Variants in RBFOX1 observed in about 807,000 individuals in gnomAD.
RBFOX1 encodes the protein RNA binding protein fox-1 homolog 1.
RBFOX1 carries 8 observed loss-of-function variants against 57.7 expected under a neutral mutation model. That is an observed-to-expected ratio of 0.14 (90% confidence interval 0.08 to 0.25). The LOEUF (loss-of-function observed/expected upper bound fraction) is 0.25, where lower values mean the gene tolerates loss of function less well. Ranked by LOEUF, RBFOX1 falls within the 10% of genes least tolerant of loss-of-function variation. The probability of loss-of-function intolerance (pLI) is 1.00; values close to 1 mark genes in which losing one functional copy is unlikely to be tolerated. For synonymous variants in RBFOX1, 326 were observed against 222.4 expected, an observed-to-expected ratio of 1.47 and a Z score of -4.15; for missense variants, 611 against 548.5, an observed-to-expected ratio of 1.11 and a Z score of -1.14.
chr16:7,693,331 G>C, intron 14 of RBFOX1: 2 of 1,612,010 alleles, frequency 1.2e-6, no homozygotes, highest in Non-Finnish European at 1.7e-6. Flanking sequence ...GTTCGTCTTC[G>C]TTGCAGCAGA....
At chr16:7,578,598 C>T (rs2093511100) in intron 5 of RBFOX1, among the ~76,000 whole-genome samples, 1 of 152,128 alleles carries the variant, frequency 6.6e-6, no homozygotes, top group Non-Finnish European at 1.5e-5. Flanking sequence ...TTACACCTGG[C>T]TGCCTACATT....
intron 3 of RBFOX1, among the ~76,000 whole-genome samples, chr16:6,945,295 T>G (rs1039602725): frequency 3.3e-5 from 5 of 152,120 alleles, no homozygotes; most frequent in African/African-American, 1.2e-4. Context: ...GGTGAGAATG[T>G]GTACACTAGG....
At chr16:6,961,492 T>C (rs2083000682) in intron 3 of RBFOX1, among the ~76,000 whole-genome samples, 1 of 152,184 alleles carries the variant, frequency 6.6e-6, no homozygotes, top group Non-Finnish European at 1.5e-5. Context: ...TTCTTGGAAA[T>C]TGCAGAAGAA....
chr16:6,485,394 C>T (rs1197066071), intron 2 of RBFOX1, among the ~76,000 whole-genome samples: 2 of 151,356 alleles, frequency 1.3e-5, no homozygotes, highest in Non-Finnish European at 2.9e-5. Context: ...GTATTTCTTC[C>T]TCCTTATCCC....
intron 2 of RBFOX1, among the ~76,000 whole-genome samples, chr16:5,479,539 A>T (rs1567143748): frequency 6.6e-6 from 1 of 152,082 alleles, no homozygotes; most frequent in Non-Finnish European, 1.5e-5. Context: ...CAGGTGGATG[A>T]CCTGAGGTCA....
In RBFOX1 at chr16:7,306,629, C is replaced by A. The variant is rs376263150; in HGVS notation, c.28-211518C>A. On this transcript the variant is annotated intron_variant, in intron 4 of 15. Coordinates refer to ENST00000550418, the MANE Select transcript of RBFOX1 (RefSeq NM_018723.4). ...TATTTTCTCTGAGCTTCACTGAATA[C>A]CTGAAGTATAATAAAGGCAGTCATT... Among the ~76,000 whole-genome samples, 27 of 151,368 alleles carry A rather than the reference C, an allele frequency of 1.8e-4. No homozygotes were observed. The South Asian group carries it at 4.8e-3, about 27-fold the overall frequency.
At chr16:6,586,714 G>A (rs140727730) in intron 2 of RBFOX1, among the ~76,000 whole-genome samples, 1 of 152,132 alleles carries the variant, frequency 6.6e-6, no homozygotes, top group Non-Finnish European at 1.5e-5. Context: ...CAGCTCAGGA[G>A]CCTGACGGCA....
chr16:6,978,291 TG>T (rs2087668949), intron 3 of RBFOX1, among the ~76,000 whole-genome samples: 1 of 152,218 alleles, frequency 6.6e-6, no homozygotes, highest in Non-Finnish European at 1.5e-5. Context: ...ATGTCTTTAT[TG>T]TGGTACTATG....
intron 4 of RBFOX1, among the ~76,000 whole-genome samples, chr16:7,245,996 T>C (rs2152993764): frequency 6.6e-6 from 1 of 151,862 alleles, no homozygotes; most frequent in East Asian, 1.9e-4. Flanking sequence ...AAATAGAAAT[T>C]TGTTTTTCCA....
chr16:5,510,879 T>G (rs1186732350), intron 2 of RBFOX1, among the ~76,000 whole-genome samples: 2 of 152,156 alleles, frequency 1.3e-5, no homozygotes, highest in Non-Finnish European at 2.9e-5. Flanking sequence ...CAGAAGTGTC[T>G]CTAGCTATGG....
At chr16:5,707,117 T>C (rs2051281624) in intron 3 of RBFOX1, among the ~76,000 whole-genome samples, 2 of 152,150 alleles carry the variant, frequency 1.3e-5, no homozygotes, top group African/African-American at 4.8e-5. Context: ...TTTGGATTTT[T>C]CACGACTCTC....
chr16:7,571,207 A>G (rs2092735006), intron 5 of RBFOX1, among the ~76,000 whole-genome samples: 1 of 127,934 alleles, frequency 7.8e-6, no homozygotes, highest in Non-Finnish European at 1.8e-5. Context: ...TCCAGAACTT[A>G]AGGAAGAAAA....
chr16:5,251,222 G>A (rs1015232823), intron 1 of RBFOX1, among the ~76,000 whole-genome samples: 8 of 152,212 alleles, frequency 5.3e-5, no homozygotes, highest in Admixed American at 2.0e-4. Context: ...TCCTGGCAAT[G>A]TTACTGCAGA....
chr16:6,382,642 CT>C (rs2091920937), intron 2 of RBFOX1, among the ~76,000 whole-genome samples: 1 of 152,048 alleles, frequency 6.6e-6, no homozygotes, highest in South Asian at 2.1e-4. Flanking sequence ...GGCAGATCAT[CT>C]GAGGTTAGGA....
At chr16:7,098,903 T>G (rs1488467754) in intron 4 of RBFOX1, among the ~76,000 whole-genome samples, 1 of 152,160 alleles carries the variant, frequency 6.6e-6, no homozygotes, top group Non-Finnish European at 1.5e-5. Context: ...TTCTTCATCT[T>G]TAAAATGGGA....
intron 2 of RBFOX1, among the ~76,000 whole-genome samples, chr16:6,635,054 T>C (rs1049603011): frequency 4.5e-5 from 6 of 134,790 alleles, no homozygotes; most frequent in Admixed American, 2.6e-4. Flanking sequence ...TTTTAATAGT[T>C]TAAATATATG....
intron 2 of RBFOX1, among the ~76,000 whole-genome samples, chr16:6,638,846 T>C (rs1455817568): frequency 6.6e-6 from 1 of 152,144 alleles, no homozygotes; most frequent in African/African-American, 2.4e-5. Context: ...CTGTAGACAA[T>C]AAAGGTTGCA....
chr16:6,123,029 G>C (rs2096563301), intron 1 of RBFOX1, among the ~76,000 whole-genome samples: 1 of 151,926 alleles, frequency 6.6e-6, no homozygotes, highest in Non-Finnish European at 1.5e-5. Context: ...TAACACACAT[G>C]GCTATCAGAA....
At chr16:6,082,330 G>A (rs997000334) in intron 1 of RBFOX1, among the ~76,000 whole-genome samples, 3 of 125,608 alleles carry the variant, frequency 2.4e-5, no homozygotes, top group South Asian at 2.6e-4. Flanking sequence ...ACATGTGCCT[G>A]TCACCACACC....
Sources: allele counts gnomAD v4.1 joint callset (sites outside exome capture counted in the v4.1 genomes callset), GRCh38; gene constraint gnomAD v4.1.1; transcripts MANE v1.5; gene names NCBI Gene and HGNC (gene_info 2026-07-23, HGNC 2026-07-21).